The following SESN3 variants were observed in gnomAD, a reference collection of about 807,000 sequenced individuals.
The protein encoded by SESN3 is sestrin 3.
Under a neutral mutation model 55.3 loss-of-function variants are expected in SESN3, and 21 were observed. The ratio of observed to expected loss-of-function variants is 0.38; its 90% confidence interval spans 0.27 to 0.55. SESN3 has a LOEUF of 0.55. Ranked by LOEUF, SESN3 falls within the 20% of genes least tolerant of loss-of-function variation. The probability of loss-of-function intolerance (pLI) is 0.76; values close to 1 mark genes in which losing one functional copy is unlikely to be tolerated. For missense variants in SESN3, 408 were observed against 604.3 expected, an observed-to-expected ratio of 0.68 and a Z score of 3.41; for synonymous variants, 181 against 203.1, an observed-to-expected ratio of 0.89 and a Z score of 0.93.
Position 95,230,853 on chromosome 11 carries a change from C to G in SESN3, c.8G>C (p.Arg3Pro), listed in dbSNP as rs1405358029. Reference sequence around the variant, plus strand: ...GGCGGCCGACGGGCTGCCGCCGCCCCGGTTCATCGTGGCTGCGGGCGCCGA... The same window carrying G: ...GGCGGCCGACGGGCTGCCGCCGCCCGGGTTCATCGTGGCTGCGGGCGCCGA... MNRGGGSPSAAAN... is the reference protein window; with the variant it reads MNPGGGSPSAAAN... Residue 3 changes from arginine to proline, a missense_variant, in exon 1 of 10, where the codon CGG becomes CCG. Physicochemically the swap from Arg to Pro is moderately radical, Grantham distance 103 (BLOSUM62 -2). Around this residue, in one of 4 missense-constraint regions of SESN3, gnomAD observed 61 missense variants for 48.3 expected, o/e 1.26. Transcript: ENST00000536441. The surrounding 1 kb of genome is among the most constrained non-coding windows in gnomAD (Gnocchi z 4.6). The G allele has an allele frequency of 3.8e-6, 6 of 1,581,134 alleles. No homozygotes were observed. Among genetic ancestry groups the G allele is most frequent in the Non-Finnish European group, 5.1e-6 (6 of 1,168,908 alleles).
At chr11:95,202,238 T>C (rs545424651) in intron 1 of SESN3, among the ~76,000 whole-genome samples, 3 of 152,156 alleles carry the variant, frequency 2.0e-5, no homozygotes, top group African/African-American at 7.2e-5. Context: ...GTGAAAATAA[T>C]AGATTCTCAT....
At chr11:95,207,876 G>A (rs1860580176) in intron 1 of SESN3, among the ~76,000 whole-genome samples, 1 of 150,300 alleles carries the variant, frequency 6.7e-6, no homozygotes, top group Admixed American at 6.7e-5. Flanking sequence ...GTTTCATCAT[G>A]TTGCCCAGGC....
intron 1 of SESN3, among the ~76,000 whole-genome samples, chr11:95,201,586 A>G (rs1860461785): frequency 6.6e-6 from 1 of 152,036 alleles, no homozygotes; most frequent in Non-Finnish European, 1.5e-5. Context: ...AGCTTCTAAA[A>G]ACAAAAGGAC....
chr11:95,224,839 G>A (rs902409761), intron 1 of SESN3, among the ~76,000 whole-genome samples: 3 of 152,106 alleles, frequency 2.0e-5, no homozygotes, highest in Non-Finnish European at 4.4e-5. Flanking sequence ...AGTAACCAAA[G>A]TTTGTCTGAC....
At chr11:95,181,214 A>G (rs1015987816) in intron 6 of SESN3, among the ~76,000 whole-genome samples, 2 of 152,058 alleles carry the variant, frequency 1.3e-5, no homozygotes, top group African/African-American at 2.4e-5. Flanking sequence ...TTGCTCATAT[A>G]CATTTTCAAG....
intron 6 of SESN3, among the ~76,000 whole-genome samples, chr11:95,182,424 T>G (rs568045209): frequency 1.3e-5 from 2 of 152,152 alleles, no homozygotes; most frequent in Non-Finnish European, 2.9e-5. Context: ...CTTCTAAAAT[T>G]TTGCCTTGAC....
intron 1 of SESN3, among the ~76,000 whole-genome samples, chr11:95,197,451 T>C (rs1312695886): frequency 1.3e-5 from 2 of 151,366 alleles, no homozygotes; most frequent in South Asian, 2.1e-4. Flanking sequence ...TTTTCTTTTT[T>C]TTTTTTTTTT....
At position 95,231,069 on chromosome 11, in the gene SESN3, A is replaced by AGACGGCGGC; in HGVS notation, c.-218_-210dup. On this transcript the variant is annotated 5_prime_UTR_variant, in exon 1 of 10. Coordinates refer to ENST00000536441, the MANE Select transcript of SESN3 (RefSeq NM_144665.4). ...GCGGCAGCTGCCCCAGCGACGGCGG[A>AGACGGCGGC]GACGGCGGCGGCTGCTCCTCACCGG... 2.4e-6 allele frequency: 1 copy of AGACGGCGGC among 415,696 alleles called. No homozygotes were observed. The highest frequency in any genetic ancestry group is 4.4e-5 in the Admixed American group (1 of 22,730). 25.8% of individuals were successfully genotyped at this position (415,696 alleles called of 1,614,324 possible). A position where few individuals can be genotyped will look rare whatever the true frequency, so the allele number is the denominator to read the frequency against.
intron 1 of SESN3, among the ~76,000 whole-genome samples, chr11:95,220,443 G>GA (rs202164700): frequency 1.3e-5 from 2 of 149,900 alleles, no homozygotes; most frequent in East Asian, 2.0e-4. Context: ...GGTAAGTTAG[G>GA]AAAAAAAAAT....
Position 95,231,184 on chromosome 11 carries a change from C to A in SESN3, c.-324G>T, listed in dbSNP as rs951336306. The A allele has an allele frequency of 1.4e-5, 6 of 420,304 alleles. No homozygotes were observed. The highest frequency in any genetic ancestry group is 6.2e-5 in the African/African-American group (3 of 48,370). 26.0% of individuals were successfully genotyped at this position (420,304 alleles called of 1,614,324 possible). On this transcript the variant is annotated 5_prime_UTR_variant, in exon 1 of 10. Transcript: ENST00000536441. ...CCACCGCTGCCACCGCCACCACCGC[C>A]GCCGCAGCGCCTCAGTGCGGCCCCG...
chr11:95,232,092 C>T (rs1861082412), upstream of SESN3: 1 of 152,254 alleles, frequency 6.6e-6, no homozygotes, highest in South Asian at 2.1e-4. Context: ...CAGAGCACAG[C>T]GCCCTGCTCA....
chr11:95,220,769 T>G (rs1017520730), intron 1 of SESN3, among the ~76,000 whole-genome samples: 6 of 152,214 alleles, frequency 3.9e-5, no homozygotes, highest in Non-Finnish European at 7.3e-5. Context: ...TGAGCCAGGC[T>G]TTGGAGTTCA....
intron 5 of SESN3, 30 bp from the exon 6 acceptor site, chr11:95,184,624 T>C (rs1860128898): frequency 6.3e-7 from 1 of 1,594,898 alleles, no homozygotes; most frequent in Non-Finnish European, 8.6e-7. Context: ...TGTTGGGTGC[T>C]ATTCATACTA....
chr11:95,204,444 AT>A (rs1860511541), intron 1 of SESN3, among the ~76,000 whole-genome samples: 1 of 152,112 alleles, frequency 6.6e-6, no homozygotes. Flanking sequence ...TCATTTGATT[AT>A]TTTTTTAAAC....
intron 1 of SESN3, among the ~76,000 whole-genome samples, chr11:95,214,615 A>T (rs1431562649): frequency 1.3e-5 from 2 of 151,776 alleles, no homozygotes; most frequent in African/African-American, 4.8e-5. Context: ...TCCATAATTT[A>T]TATATATATA....
Position 95,177,745 on chromosome 11 carries a change from G to C in SESN3, c.1221C>G (p.Asn407Lys). The change falls in exon 8 of 10, where the codon AAC (asparagine) becomes AAG (lysine). Residue 407 changes from asparagine to lysine, a missense_variant. Around this residue, in one of 4 missense-constraint regions of SESN3, gnomAD observed 121 missense variants for 204.9 expected, o/e 0.59. Transcript: ENST00000536441. ...DTTMLRRALF[N>K]YVHCMFGIRY... ...TGATTCCAAACATACAGTGAACATAGTTAAATAAAGCTCTGCGCAGCATGG... is the reference window on the plus strand; with the variant it reads ...TGATTCCAAACATACAGTGAACATACTTAAATAAAGCTCTGCGCAGCATGG... 1 of 1,611,092 alleles carries C rather than the reference G, an allele frequency of 6.2e-7. No individual in the cohort carries two copies. The highest frequency in any genetic ancestry group is 8.5e-7 in the Non-Finnish European group (1 of 1,178,976).
In SESN3 at chr11:95,230,642, C is replaced by T. The variant is rs1861038956; in HGVS notation, c.78+141G>A. The T allele has an allele frequency of 1.6e-6, 1 of 618,902 alleles. No individual in the cohort carries two copies. The highest frequency in any genetic ancestry group is 2.8e-6 in the Non-Finnish European group (1 of 360,432). 38.3% of individuals were successfully genotyped at this position (618,902 alleles called of 1,614,324 possible). A position where few individuals can be genotyped will look rare whatever the true frequency, so the allele number is the denominator to read the frequency against. On this transcript the variant is annotated intron_variant, in intron 1 of 9. Coordinates refer to ENST00000536441, the MANE Select transcript of SESN3 (RefSeq NM_144665.4). The surrounding 1 kb of genome is among the most constrained non-coding windows in gnomAD (Gnocchi z 4.6). Reference sequence around the variant, plus strand: ...CAAACCCTCCTGCCCTCAACCCACGCCCCCTTTCTCAGTCCCTGCGGAGGG... The same window carrying T: ...CAAACCCTCCTGCCCTCAACCCACGTCCCCTTTCTCAGTCCCTGCGGAGGG...
intron 8 of SESN3, among the ~76,000 whole-genome samples, chr11:95,176,387 A>G (rs187554880): frequency 2.0e-5 from 3 of 152,310 alleles, no homozygotes; most frequent in South Asian, 4.1e-4. Flanking sequence ...TTCTTTAAAG[A>G]TGGGAGAAAT....
At chr11:95,215,731 A>G (rs926994534) in intron 1 of SESN3, among the ~76,000 whole-genome samples, 14 of 152,222 alleles carry the variant, frequency 9.2e-5, no homozygotes, top group African/African-American at 3.4e-4. Flanking sequence ...TATGTGTCAC[A>G]CATGCTCTAG....
Sources: gnomAD v4.1 joint callset for allele counts (sites outside exome capture counted in the v4.1 genomes callset) on GRCh38, gnomAD v4.1.1 for gene constraint, gnomAD v4.1.1 regional missense constraint, Gnocchi (gnomAD v3.1) non-coding constraint, MANE v1.5 for transcripts, NCBI Gene and HGNC (gene_info 2026-07-23, HGNC 2026-07-21) for gene names.